The following HOMER1 variants were observed in gnomAD, a reference collection of about 807,000 sequenced individuals.
HOMER1 encodes the protein homer protein homolog 1.
A neutral mutation model predicts 48.9 loss-of-function variants in HOMER1; 3 were observed. The ratio of observed to expected loss-of-function variants is 0.06; its 90% CI spans 0.03 to 0.16. The LOEUF is 0.16. Ranked by LOEUF, HOMER1 falls within the 10% of genes least tolerant of loss-of-function variation. HOMER1 has a pLI of 1.00. For synonymous variants in HOMER1, 134 were observed against 146.4 expected (o/e 0.92, Z 0.61); for missense variants, 247 against 411.4 (o/e 0.60, Z 3.46).
At chr5:79,402,767 G>T (rs1313201373) in intron 5 of HOMER1, among the ~76,000 whole-genome samples, 1 of 152,102 alleles carries the variant, frequency 6.6e-6, no homozygotes, top group Non-Finnish European at 1.5e-5. Context: ...ATTCCTTAAT[G>T]AAAACATATG....
intron 8 of HOMER1, among the ~76,000 whole-genome samples, chr5:79,383,260 T>G (rs540262285): frequency 2.8e-4 from 43 of 152,272 alleles, no homozygotes; most frequent in African/African-American, 9.1e-4. Context: ...ATACAATAAT[T>G]TGTATGGTAC....
intron 3 of HOMER1, among the ~76,000 whole-genome samples, chr5:79,447,969 A>G (rs1750928910): frequency 6.6e-6 from 1 of 152,190 alleles, no homozygotes. Flanking sequence ...AAAACATGAA[A>G]TTATAGTTCC....
intron 6 of HOMER1, chr5:79,397,906 A>G: frequency 4.5e-6 from 1 of 220,108 alleles, no homozygotes; most frequent in Non-Finnish European, 8.8e-6. Context: ...GAATCCCTAT[A>G]ATGAAAGTCT....
Position 79,427,684 on chromosome 5 carries a change from TCCC to T in HOMER1, c.527+11323_527+11325del, listed in dbSNP as rs1561359631. 4.6e-3 allele frequency among the ~76,000 whole-genome samples: 476 copies of T among 103,444 alleles called. 7 individuals carry two copies. The highest frequency in any genetic ancestry group is 0.02 in the African/African-American group (439 of 21,434). The allele number at this position is 103,444 out of a possible 152,430, so 67.9% of individuals were successfully genotyped here. On this transcript the variant is annotated intron_variant, in intron 5 of 8. Transcript: ENST00000334082. Reference sequence around the variant, plus strand: ...CCTTCCTTTCCTTCCCTTCCTTCCTTCCCTTCCTTCCTTTCCTTCCTTCCTTTC... The same window carrying T: ...CCTTCCTTTCCTTCCCTTCCTTCCTTTTCCTTCCTTTCCTTCCTTCCTTTC...
chr5:79,488,433 AT>A (rs950457892), intron 1 of HOMER1, among the ~76,000 whole-genome samples: 2 of 152,230 alleles, frequency 1.3e-5, no homozygotes, highest in African/African-American at 4.8e-5. Flanking sequence ...GTGAGAATAC[AT>A]TTTTAATGAC....
chr5:79,492,907 CTTTTTTTTTTT>C (rs558428061), intron 1 of HOMER1, among the ~76,000 whole-genome samples: 7 of 84,036 alleles, frequency 8.3e-5, no homozygotes, highest in South Asian at 5.8e-4. Context: ...AAAACTTTGT[CTTTTTTTTTTT>C]TTTTTTTTTT....
chr5:79,497,365 T>C (rs1054513215), intron 1 of HOMER1, among the ~76,000 whole-genome samples: 1 of 151,806 alleles, frequency 6.6e-6, no homozygotes, highest in Non-Finnish European at 1.5e-5. Flanking sequence ...TTATAAAAAA[T>C]AGAGCTGGGT....
chr5:79,401,748 TAATC>T (rs1749541767), intron 6 of HOMER1, 147 bp downstream of exon 6: 1 of 730,258 alleles, frequency 1.4e-6, no homozygotes, highest in Middle Eastern at 2.7e-4. Context: ...ATATTTTTCT[TAATC>T]AAACAAATGC....
At chr5:79,473,064 C>A (rs1274072792) in intron 1 of HOMER1, among the ~76,000 whole-genome samples, 2 of 152,190 alleles carry the variant, frequency 1.3e-5, no homozygotes, top group Non-Finnish European at 2.9e-5. Flanking sequence ...TAAATATCAA[C>A]TTTAAGGAAG....
intron 1 of HOMER1, among the ~76,000 whole-genome samples, chr5:79,485,092 C>CAAAAT (rs1334138093): frequency 6.7e-6 from 1 of 149,280 alleles, no homozygotes; most frequent in Non-Finnish European, 1.5e-5. Context: ...CAAAACAAAA[C>CAAAAT]AAAACAAAAC....
intron 1 of HOMER1, among the ~76,000 whole-genome samples, chr5:79,494,796 GAGA>G (rs1752378234): frequency 6.6e-6 from 1 of 152,228 alleles, no homozygotes; most frequent in Admixed American, 6.5e-5. Context: ...TTGAACCCAG[GAGA>G]AGGAGGTTGC....
chr5:79,440,145 T>C (rs1750701408), intron 4 of HOMER1, among the ~76,000 whole-genome samples: 1 of 152,050 alleles, frequency 6.6e-6, no homozygotes, highest in South Asian at 2.1e-4. Flanking sequence ...TTAAAAAAAA[T>C]ACAAGATTTC....
chr5:79,479,083 T>A (rs1468177771), intron 1 of HOMER1, among the ~76,000 whole-genome samples: 1 of 152,188 alleles, frequency 6.6e-6, no homozygotes, highest in East Asian at 1.9e-4. Flanking sequence ...AACTAAATAT[T>A]TGTGACACAG....
At chr5:79,510,600 A>C (rs28675825) in intron 1 of HOMER1, 56,687 of 828,592 alleles carry the variant, frequency 0.068, 2,430 homozygotes, top group Admixed American at 0.12. Context: ...GGCCTAAAGA[A>C]GATGCAGGCT....
intron 2 of HOMER1, among the ~76,000 whole-genome samples, chr5:79,456,298 C>G (rs970499550): frequency 7.9e-5 from 12 of 152,188 alleles, no homozygotes; most frequent in Admixed American, 5.2e-4. Flanking sequence ...GAGAAGTAAT[C>G]TGCCCAAAGA....
intron 1 of HOMER1, among the ~76,000 whole-genome samples, chr5:79,470,579 T>C (rs1030526732): frequency 6.6e-6 from 1 of 152,028 alleles, no homozygotes; most frequent in African/African-American, 2.4e-5. Context: ...CAAATGAAAA[T>C]AGAAATAAAC....
chr5:79,417,868 C>A (rs950171799), intron 5 of HOMER1, among the ~76,000 whole-genome samples: 3 of 152,050 alleles, frequency 2.0e-5, no homozygotes, highest in African/African-American at 7.2e-5. Flanking sequence ...TTGGTACTGG[C>A]AGAATTGAAA....
intron 1 of HOMER1, among the ~76,000 whole-genome samples, chr5:79,474,434 C>G (rs1751705236): frequency 6.6e-6 from 1 of 151,880 alleles, no homozygotes; most frequent in Non-Finnish European, 1.5e-5. Flanking sequence ...ATCTCAATTC[C>G]CTAAAAGATG....
intron 5 of HOMER1, among the ~76,000 whole-genome samples, chr5:79,428,708 C>A (rs1232852700): frequency 6.6e-6 from 1 of 151,978 alleles, no homozygotes; most frequent in African/African-American, 2.4e-5. Context: ...AGAATAAAAT[C>A]TGAATACATT....
Sources: allele counts gnomAD v4.1 joint callset (sites outside exome capture counted in the v4.1 genomes callset), GRCh38; gene constraint gnomAD v4.1.1; transcripts MANE v1.5; gene names NCBI Gene and HGNC (gene_info 2026-07-23, HGNC 2026-07-21).